SMYD3: variants seen among roughly 807,000 people sequenced by gnomAD.
The protein encoded by SMYD3 is SET and MYND domain containing 3, also known as histone-lysine N-methyltransferase SMYD3.
Under a neutral mutation model 57.7 loss-of-function variants are expected in SMYD3, and 36 were observed. That is an observed-to-expected ratio of 0.62 (90% confidence interval 0.48 to 0.82). SMYD3 has a LOEUF of 0.82. SMYD3 is among the 40% of genes least tolerant of loss of function. The pLI is 0.00. For missense variants in SMYD3, 515 were observed against 538.8 expected, an observed-to-expected ratio of 0.96 and a Z score of 0.44; for synonymous variants, 211 against 195.0, an observed-to-expected ratio of 1.08 and a Z score of -0.68.
intron 8 of SMYD3, among the ~76,000 whole-genome samples, chr1:245,879,399 G>C (rs1314714119): frequency 6.6e-6 from 1 of 152,226 alleles, no homozygotes; most frequent in African/African-American, 2.4e-5. Context: ...AAGAGATGGG[G>C]AGTAGGCAGC....
chr1:246,387,285 A>G (rs2066499004), intron 1 of SMYD3, among the ~76,000 whole-genome samples: 1 of 152,208 alleles, frequency 6.6e-6, no homozygotes. Flanking sequence ...AACTTAGTTA[A>G]CTTTTCTAGC....
chr1:246,205,559 C>T (rs549427292), intron 5 of SMYD3, among the ~76,000 whole-genome samples: 3 of 152,344 alleles, frequency 2.0e-5, no homozygotes, highest in East Asian at 3.9e-4. Context: ...TGGTGGCTCA[C>T]GCCTGGAATC....
At chr1:246,191,275 C>T (rs1305716938) in intron 5 of SMYD3, among the ~76,000 whole-genome samples, 1 of 152,190 alleles carries the variant, frequency 6.6e-6, no homozygotes, top group Non-Finnish European at 1.5e-5. Flanking sequence ...GATCATTCCT[C>T]GTTTGGTGGA....
chr1:246,291,581 A>C (rs1436489867), intron 5 of SMYD3, among the ~76,000 whole-genome samples: 1 of 152,230 alleles, frequency 6.6e-6, no homozygotes, highest in Non-Finnish European at 1.5e-5. Context: ...CGTCACTTTG[A>C]GAACACTTGC....
At chr1:245,763,223 C>T (rs1008324305) in intron 11 of SMYD3, among the ~76,000 whole-genome samples, 2 of 152,222 alleles carry the variant, frequency 1.3e-5, no homozygotes, top group Admixed American at 6.5e-5. Context: ...TCCTCCTTCC[C>T]TCAATAATGA....
At chr1:246,009,352 C>G (rs2059236348) in intron 5 of SMYD3, among the ~76,000 whole-genome samples, 1 of 152,226 alleles carries the variant, frequency 6.6e-6, no homozygotes, top group East Asian at 1.9e-4. Flanking sequence ...ACCACCTACT[C>G]TTATCTACAG....
At chr1:245,875,766 A>G (rs1287438447) in intron 8 of SMYD3, among the ~76,000 whole-genome samples, 2 of 152,250 alleles carry the variant, frequency 1.3e-5, no homozygotes, top group Non-Finnish European at 2.9e-5. Flanking sequence ...AAAATTACAC[A>G]GCCCTAGCTG....
At chr1:246,447,312 T>C (rs2067563307) in intron 1 of SMYD3, among the ~76,000 whole-genome samples, 2 of 152,220 alleles carry the variant, frequency 1.3e-5, no homozygotes, top group South Asian at 4.1e-4. Context: ...TTCGGAACAC[T>C]GTGTAACAAA....
At chr1:246,378,701 C>T (rs1311132653) in intron 1 of SMYD3, among the ~76,000 whole-genome samples, 2 of 53,404 alleles carry the variant, frequency 3.7e-5, no homozygotes, top group Admixed American at 2.1e-4. Context: ...AATAAACTCC[C>T]CTTTATATAT....
intron 5 of SMYD3, among the ~76,000 whole-genome samples, chr1:245,997,727 CACCAGGGAA>C (rs1033827578): frequency 1.6e-4 from 25 of 152,278 alleles, no homozygotes; most frequent in African/African-American, 5.3e-4. Flanking sequence ...CCTCCACCAC[CACCAGGGAA>C]ACAAGACACA....
chr1:246,438,999 A>G (rs372122127), intron 1 of SMYD3, among the ~76,000 whole-genome samples: 20 of 149,930 alleles, frequency 1.3e-4, no homozygotes, highest in South Asian at 1.1e-3. Flanking sequence ...TGGGAGTGGT[A>G]CCGGTCCTCG....
At chr1:246,420,335 A>T (rs1404706410) in intron 1 of SMYD3, among the ~76,000 whole-genome samples, 1 of 152,234 alleles carries the variant, frequency 6.6e-6, no homozygotes, top group Non-Finnish European at 1.5e-5. Flanking sequence ...CATGCAAGAG[A>T]CTGCTCCTAC....
intron 5 of SMYD3, among the ~76,000 whole-genome samples, chr1:246,011,930 A>G (rs1360754094): frequency 2.0e-5 from 3 of 152,204 alleles, no homozygotes; most frequent in African/African-American, 7.2e-5. Flanking sequence ...GGCCGTCAGT[A>G]TCATTATCCA....
chr1:246,015,527 G>A (rs1332410250), intron 5 of SMYD3, among the ~76,000 whole-genome samples: 1 of 152,006 alleles, frequency 6.6e-6, no homozygotes, highest in Non-Finnish European at 1.5e-5. Flanking sequence ...CAACCATCAC[G>A]ACCATCCATC....
intron 1 of SMYD3, among the ~76,000 whole-genome samples, chr1:246,452,576 T>C (rs894315308): frequency 3.9e-5 from 6 of 152,152 alleles, no homozygotes; most frequent in African/African-American, 1.4e-4. Flanking sequence ...TGAGAACTCA[T>C]AAATGCACTA....
chr1:246,127,633 C>T (rs1444205036), intron 5 of SMYD3, among the ~76,000 whole-genome samples: 1 of 152,080 alleles, frequency 6.6e-6, no homozygotes, highest in African/African-American at 2.4e-5. Flanking sequence ...CGGTGAATCA[C>T]GCCTGTAATC....
chr1:246,268,369 G>C (rs2064151231), intron 5 of SMYD3, among the ~76,000 whole-genome samples: 1 of 152,114 alleles, frequency 6.6e-6, no homozygotes, highest in South Asian at 2.1e-4. Flanking sequence ...CTAAAAAGGG[G>C]AGGCATGAAT....
intron 1 of SMYD3, among the ~76,000 whole-genome samples, chr1:246,438,512 A>C (rs544161993): frequency 3.9e-5 from 6 of 152,232 alleles, no homozygotes; most frequent in African/African-American, 1.4e-4. Context: ...CCAGGGATTG[A>C]TTCCAGGACA....
chr1:246,040,013 G>A (rs75124765), intron 5 of SMYD3, among the ~76,000 whole-genome samples: 1,864 of 152,266 alleles, frequency 0.012, 32 homozygotes, highest in African/African-American at 0.042. Flanking sequence ...GTTAACGTCC[G>A]ACATGATCTG....
Sources: gnomAD v4.1 joint callset for allele counts (sites outside exome capture counted in the v4.1 genomes callset) on GRCh38, gnomAD v4.1.1 for gene constraint, MANE v1.5 for transcripts, NCBI Gene and HGNC (gene_info 2026-07-23, HGNC 2026-07-21) for gene names.